Variants in CEP63 observed in about 807,000 individuals in gnomAD.
The protein encoded by CEP63 is centrosomal protein 63.
A neutral mutation model predicts 89.1 loss-of-function variants in CEP63; 84 were observed. The observed-to-expected ratio is 0.94, with a 90% CI of 0.79 to 1.13. The LOEUF is 1.13. CEP63 is among the 50% of genes most tolerant of loss of function. CEP63 has a pLI of 0.00. For missense variants in CEP63, 838 were observed against 813.3 expected (o/e 1.03, Z -0.37); for synonymous variants, 267 against 272.5 (o/e 0.98, Z 0.20).
the CEP63 span, chr3:134,629,305 T>C: frequency 5.9e-6 from 2 of 339,612 alleles, no homozygotes; most frequent in African/African-American, 4.1e-5. Context: ...ACTTAGCATT[T>C]TGCATGCCAC....
intron 3 of CEP63, among the ~76,000 whole-genome samples, chr3:134,529,865 GA>G (rs1949498140): frequency 1.8e-5 from 2 of 112,584 alleles, no homozygotes; most frequent in Admixed American, 1.2e-4. Context: ...TCAAGGTTAA[GA>G]AATTTTTTTT....
At chr3:134,764,744 A>C in the CEP63 span, among the ~76,000 whole-genome samples, 5 of 152,224 alleles carry the variant, frequency 3.3e-5, no homozygotes, top group African/African-American at 1.2e-4. Context: ...CTCTCCTCCA[A>C]ACTCTCATCT....
At chr3:134,700,600 TAAG>T in the CEP63 span, among the ~76,000 whole-genome samples, 10 of 152,144 alleles carry the variant, frequency 6.6e-5, no homozygotes, top group Non-Finnish European at 1.5e-4. Context: ...AACCACGGAA[TAAG>T]AAGATTTATC....
chr3:134,588,395 G>A (rs1392333080), downstream of CEP63, among the ~76,000 whole-genome samples: 1 of 152,058 alleles, frequency 6.6e-6, no homozygotes, highest in Non-Finnish European at 1.5e-5. Context: ...CCTTGACTGA[G>A]TAGAATTAAA....
the CEP63 span, chr3:134,608,952 C>T: frequency 5.6e-6 from 7 of 1,247,768 alleles, no homozygotes; most frequent in South Asian, 1.5e-5. Context: ...GCACCATCTC[C>T]GACCCTAACA....
At position 134,561,668 on chromosome 3, in the gene CEP63, A is replaced by T; in HGVS notation, c.*133A>T. 1 of 1,482,682 alleles carries T rather than the reference A, an allele frequency of 6.7e-7. No individual in the cohort carries two copies. The allele number at this position is 1,482,682 out of a possible 1,614,324, so 91.8% of individuals were successfully genotyped here. ...ATACATCTAAAGCAGTGGTGAAGAA[A>T]GCTGAAAAACTGATACTTTTGATAG... is the stretch of plus-strand genomic sequence containing the variant. On this transcript the variant is annotated 3_prime_UTR_variant, in exon 15 of 15. Coordinates refer to ENST00000675561, the MANE Select transcript of CEP63 (RefSeq NM_001353108.3).
At chr3:134,520,076 T>G (rs1348018039) in intron 3 of CEP63, among the ~76,000 whole-genome samples, 1 of 152,020 alleles carries the variant, frequency 6.6e-6, no homozygotes, top group Non-Finnish European at 1.5e-5. Context: ...GTAGTGGAGG[T>G]GTAGCTAGTG....
downstream of CEP63, among the ~76,000 whole-genome samples, chr3:134,589,550 A>G (rs772582492): frequency 6.6e-6 from 1 of 150,796 alleles, no homozygotes; most frequent in African/African-American, 2.4e-5. Context: ...TTACTTATTC[A>G]TCACTTCATA....
chr3:134,699,533 C>T, the CEP63 span, among the ~76,000 whole-genome samples: 1 of 152,236 alleles, frequency 6.6e-6, no homozygotes, highest in Non-Finnish European at 1.5e-5. Flanking sequence ...ACAGGACAGA[C>T]TGTCTCTTGG....
chr3:134,770,151 C>T, the CEP63 span, among the ~76,000 whole-genome samples: 1 of 152,238 alleles, frequency 6.6e-6, no homozygotes, highest in Non-Finnish European at 1.5e-5. Flanking sequence ...AACAGAGGCC[C>T]AGATTATGGT....
chr3:134,495,895 C>T (rs535834118), intron 2 of CEP63, among the ~76,000 whole-genome samples: 22 of 152,342 alleles, frequency 1.4e-4, no homozygotes, highest in African/African-American at 4.6e-4. Context: ...CTGCAAATAA[C>T]AGGGCTTCAT....
intron 1 of CEP63, 76 bp downstream of exon 1, chr3:134,486,278 G>C (rs1192076708): frequency 3.0e-6 from 3 of 985,600 alleles, no homozygotes; most frequent in Non-Finnish European, 3.6e-6. Context: ...GGGGCAAGGG[G>C]CTGCCGTGTC....
At chr3:134,679,312 C>G in the CEP63 span, among the ~76,000 whole-genome samples, 1 of 152,184 alleles carries the variant, frequency 6.6e-6, no homozygotes, top group African/African-American at 2.4e-5. Flanking sequence ...GGCCCCACGG[C>G]TCATTTGGAC....
the CEP63 span, chr3:134,624,986 G>A: frequency 7.2e-7 from 1 of 1,391,422 alleles, no homozygotes. Context: ...CTGGGGAGAG[G>A]TTTTGCTGCC....
At chr3:134,619,453 G>A in the CEP63 span, among the ~76,000 whole-genome samples, 1 of 152,360 alleles carries the variant, frequency 6.6e-6, no homozygotes, top group African/African-American at 2.4e-5. Flanking sequence ...GAGAGGAAGA[G>A]CAGGCCTTGG....
chr3:134,616,715 A>G, the CEP63 span, among the ~76,000 whole-genome samples: 1 of 152,234 alleles, frequency 6.6e-6, no homozygotes, highest in African/African-American at 2.4e-5. Context: ...GGACCAGGGC[A>G]AAAAGCTGAC....
intron 3 of CEP63, chr3:134,511,138 C>T (rs1048195798): frequency 1.2e-4 from 21 of 168,988 alleles, no homozygotes; most frequent in Non-Finnish European, 2.2e-4. Flanking sequence ...AATGTCCTGG[C>T]GAATCAGGTT....
rs142467921 is a variant in CEP63, at chr3:134,558,273, G to A, written c.1599G>A (p.Met533Ile). ...CTCAGCTGGAGATTTCTACTCAGAT[G>A]TGCAAAAAACAAAATGACAGGATCT... ...TKSQLEISTQ[M>I]CKKQNDRIFK... is the part of the protein sequence containing the mutation. Residue 533 changes from methionine (M) to isoleucine (I), a missense_variant, in exon 13 of 15, where the codon ATG (methionine) becomes ATA (isoleucine). Coordinates refer to ENST00000675561, the MANE Select transcript of CEP63 (RefSeq NM_001353108.3). The A allele has an allele frequency of 2.5e-6, 4 of 1,613,834 alleles. No homozygotes were observed. The highest frequency in any genetic ancestry group is 1.7e-4 in the Middle Eastern group (1 of 6,060).
chr3:134,761,321 G>T, the CEP63 span, among the ~76,000 whole-genome samples: 1 of 152,196 alleles, frequency 6.6e-6, no homozygotes, highest in Non-Finnish European at 1.5e-5. Flanking sequence ...AAATGAAGGC[G>T]CCTGAGAGAG....
Sources: gnomAD v4.1 joint callset for allele counts (sites outside exome capture counted in the v4.1 genomes callset) on GRCh38, gnomAD v4.1.1 for gene constraint, MANE v1.5 for transcripts, NCBI Gene and HGNC (gene_info 2026-07-23, HGNC 2026-07-21) for gene names.